LMNTD1: variants seen among roughly 807,000 people sequenced by gnomAD.
LMNTD1 encodes the protein lamin tail domain containing 1.
Under a neutral mutation model 50.9 loss-of-function variants are expected in LMNTD1, and 35 were observed. The observed-to-expected ratio is 0.69, with a 90% CI of 0.53 to 0.91. LMNTD1 has a LOEUF of 0.91. LMNTD1 is among the 40% of genes least tolerant of loss of function. LMNTD1 has a pLI of 0.00. For missense variants in LMNTD1, 470 were observed against 475.5 expected, an observed-to-expected ratio of 0.99 and a Z score of 0.11; for synonymous variants, 153 against 161.9, an observed-to-expected ratio of 0.94 and a Z score of 0.42.
intron 1 of LMNTD1, among the ~76,000 whole-genome samples, chr12:25,617,898 T>G (rs1421344912): frequency 6.6e-6 from 1 of 152,192 alleles, no homozygotes; most frequent in Non-Finnish European, 1.5e-5. Context: ...GATACAACAG[T>G]AATGAAGATG....
Position 25,609,369 on chromosome 12 carries a change from G to A in LMNTD1, c.58+39125C>T, listed in dbSNP as rs1013331835. 9.2e-5 allele frequency among the ~76,000 whole-genome samples: 14 copies of A among 152,222 alleles called. No homozygotes were observed. In the South Asian group the frequency reaches 1.5e-3, roughly 16 times the overall value. On this transcript the variant is annotated intron_variant, in intron 1 of 7. Transcript: ENST00000445693. Reference sequence around the variant, plus strand: ...TCCGTCCAGCTTTGTTCCATTGCTCGTGAGGAGCTGCAATCCTTTAGAGAA... The same window carrying A: ...TCCGTCCAGCTTTGTTCCATTGCTCATGAGGAGCTGCAATCCTTTAGAGAA...
intron 9 of LMNTD1, among the ~76,000 whole-genome samples, chr12:25,498,259 C>A (rs1217944476): frequency 6.6e-6 from 1 of 152,122 alleles, no homozygotes; most frequent in Non-Finnish European, 1.5e-5. Flanking sequence ...AGCTCCATTA[C>A]ATTATTTAAT....
chr12:25,604,564 G>T (rs59143984), intron 1 of LMNTD1, among the ~76,000 whole-genome samples: 42,239 of 150,208 alleles, frequency 0.28, 7,398 homozygotes, highest in East Asian at 0.8. Context: ...TGTTCTCATT[G>T]TTCAATTCCC....
intron 1 of LMNTD1, among the ~76,000 whole-genome samples, chr12:25,620,242 A>G (rs1304673476): frequency 1.3e-5 from 2 of 152,310 alleles, no homozygotes; most frequent in East Asian, 1.9e-4. Flanking sequence ...AATGTTTTCA[A>G]AGGGCATTTC....
Position 25,581,246 on chromosome 12 carries a change from T to C in LMNTD1, c.59-34692A>G, listed in dbSNP as rs1945272535. 3.9e-5 allele frequency among the ~76,000 whole-genome samples: 6 copies of C among 152,164 alleles called. No individual in the cohort carries two copies. The South Asian group carries it at 1.2e-3, about 32-fold the overall frequency. On this transcript the variant is annotated intron_variant, in intron 1 of 7. Transcript: ENST00000445693. ...GGGATAAGCTAAAGGCCCCGCGCAG[T>C]GCTTTATTTGTCAAACAGAACTACT...
intron 8 of LMNTD1, among the ~76,000 whole-genome samples, chr12:25,516,290 T>C (rs1940765765): frequency 6.6e-6 from 1 of 152,208 alleles, no homozygotes; most frequent in South Asian, 2.1e-4. Flanking sequence ...GCAACTATTT[T>C]TGAATTACTA....
At chr12:25,532,442 C>G (rs1942290768) in intron 4 of LMNTD1, among the ~76,000 whole-genome samples, 1 of 152,082 alleles carries the variant, frequency 6.6e-6, no homozygotes, top group Non-Finnish European at 1.5e-5. Flanking sequence ...TTTTATTCAC[C>G]CAGTCATACG....
intron 4 of LMNTD1, among the ~76,000 whole-genome samples, chr12:25,527,882 C>G (rs566430351): frequency 2.0e-4 from 30 of 151,412 alleles, no homozygotes; most frequent in Non-Finnish European, 3.8e-4. Context: ...ATATTTGAAG[C>G]AAAGCCTGGT....
intron 1 of LMNTD1, among the ~76,000 whole-genome samples, chr12:25,595,110 A>G (rs1196566341): frequency 6.6e-6 from 1 of 152,156 alleles, no homozygotes; most frequent in Non-Finnish European, 1.5e-5. Flanking sequence ...CTAAGAAATG[A>G]GATAGATGGC....
chr12:25,571,651 C>CTGT (rs1944803599), intron 1 of LMNTD1, among the ~76,000 whole-genome samples: 2 of 151,538 alleles, frequency 1.3e-5, no homozygotes, highest in African/African-American at 4.9e-5. Flanking sequence ...GCATGAGCTA[C>CTGT]CATTCCCAAC....
At chr12:25,621,705 A>G (rs967743309) in intron 1 of LMNTD1, among the ~76,000 whole-genome samples, 1 of 152,200 alleles carries the variant, frequency 6.6e-6, no homozygotes, top group African/African-American at 2.4e-5. Flanking sequence ...CCCCTAAAAC[A>G]TGGCCTTATT....
At chr12:25,566,855 A>G (rs942352555) in intron 1 of LMNTD1, among the ~76,000 whole-genome samples, 3 of 152,220 alleles carry the variant, frequency 2.0e-5, no homozygotes, top group Admixed American at 2.0e-4. Flanking sequence ...CTGTTTACTA[A>G]ATGAAACTGT....
At chr12:25,490,981 G>C (rs768428114) in intron 9 of LMNTD1, among the ~76,000 whole-genome samples, 23 of 152,320 alleles carry the variant, frequency 1.5e-4, no homozygotes, top group Non-Finnish European at 2.4e-4. Flanking sequence ...CTTTATAAAA[G>C]TGAAATCAAT....
chr12:25,489,617 C>G (rs190605249), intron 9 of LMNTD1, among the ~76,000 whole-genome samples: 1 of 151,670 alleles, frequency 6.6e-6, no homozygotes, highest in Non-Finnish European at 1.5e-5. Flanking sequence ...AGCTGTAGAC[C>G]GGAGCTGTTC....
intron 1 of LMNTD1, among the ~76,000 whole-genome samples, chr12:25,621,346 T>C (rs1474280405): frequency 6.6e-6 from 1 of 152,104 alleles, no homozygotes; most frequent in Non-Finnish European, 1.5e-5. Context: ...CACCTTAGAC[T>C]TCCAAAGTGC....
intron 4 of LMNTD1, among the ~76,000 whole-genome samples, chr12:25,538,607 C>T (rs1251773947): frequency 4.2e-5 from 6 of 141,888 alleles, no homozygotes; most frequent in Non-Finnish European, 6.2e-5. Context: ...CGGTACCAGC[C>T]GCTGCAAAAT....
intron 1 of LMNTD1, among the ~76,000 whole-genome samples, chr12:25,568,389 G>T (rs560526100): frequency 9.8e-5 from 15 of 152,338 alleles, no homozygotes; most frequent in African/African-American, 3.6e-4. Flanking sequence ...GCACAGCCTA[G>T]AAGTTTGGAA....
At chr12:25,488,758 T>A (rs1938761928) in intron 9 of LMNTD1, among the ~76,000 whole-genome samples, 1 of 152,228 alleles carries the variant, frequency 6.6e-6, no homozygotes, top group Admixed American at 6.5e-5. Flanking sequence ...CCCATCTTTG[T>A]GGTTTTATCT....
At chr12:25,614,042 T>G (rs993796578) in intron 1 of LMNTD1, among the ~76,000 whole-genome samples, 2 of 150,602 alleles carry the variant, frequency 1.3e-5, no homozygotes, top group African/African-American at 4.9e-5. Flanking sequence ...TGAAGGAGAA[T>G]GATTATTAAT....
Sources: gnomAD v4.1 joint callset for allele counts (sites outside exome capture counted in the v4.1 genomes callset) on GRCh38, gnomAD v4.1.1 for gene constraint, MANE v1.5 for transcripts, NCBI Gene and HGNC (gene_info 2026-07-23, HGNC 2026-07-21) for gene names.